The following HTR1F variants were observed in gnomAD, a reference collection of about 807,000 sequenced individuals.
The protein encoded by HTR1F is 5-hydroxytryptamine receptor 1F.
A neutral mutation model predicts 24.0 loss-of-function variants in HTR1F; 17 were observed. The observed-to-expected ratio is 0.71, with a 90% CI of 0.48 to 1.06. The LOEUF is 1.06. HTR1F is among the 50% of genes least tolerant of loss of function. The pLI, the probability that HTR1F is intolerant of heterozygous loss-of-function variation, is 0.00. For missense variants in HTR1F, 391 were observed against 427.8 expected (o/e 0.91, Z 0.76); for synonymous variants, 186 against 156.8 (o/e 1.19, Z -1.39).
intron 2 of HTR1F, among the ~76,000 whole-genome samples, chr3:87,947,200 CTCA>C (rs1369991797): frequency 6.6e-6 from 1 of 152,050 alleles, no homozygotes; most frequent in East Asian, 1.9e-4. Context: ...ATATTTTCTT[CTCA>C]TCATTCATTC....
intron 2 of HTR1F, among the ~76,000 whole-genome samples, chr3:87,897,553 G>A (rs374209102): frequency 6.8e-4 from 104 of 152,110 alleles, no homozygotes; most frequent in African/African-American, 2.5e-3. Flanking sequence ...TTCGTTTTGA[G>A]CTTACTAACT....
chr3:87,859,166 C>T (rs2107225036), intron 2 of HTR1F, among the ~76,000 whole-genome samples: 1 of 152,222 alleles, frequency 6.6e-6, no homozygotes, highest in East Asian at 1.9e-4. Flanking sequence ...CCACTGCACT[C>T]CAGCCTCGGC....
At chr3:87,960,072 C>A (rs1356579063) in intron 2 of HTR1F, among the ~76,000 whole-genome samples, 1 of 151,900 alleles carries the variant, frequency 6.6e-6, no homozygotes, top group African/African-American at 2.4e-5. Flanking sequence ...CCTAGCTACA[C>A]ATTAAAATCA....
chr3:87,943,915 G>C (rs200313511), intron 2 of HTR1F, among the ~76,000 whole-genome samples: 1 of 141,724 alleles, frequency 7.1e-6, no homozygotes, highest in Non-Finnish European at 1.6e-5. Flanking sequence ...TTTTGCCTTG[G>C]GGGGAACATT....
intron 2 of HTR1F, among the ~76,000 whole-genome samples, chr3:87,945,899 G>A (rs1310696871): frequency 2.6e-5 from 4 of 152,084 alleles, no homozygotes; most frequent in Non-Finnish European, 4.4e-5. Flanking sequence ...GATGGTGGCG[G>A]GCTGCTTCCA....
intron 2 of HTR1F, among the ~76,000 whole-genome samples, chr3:87,944,250 A>G (rs1704642167): frequency 6.6e-6 from 1 of 152,202 alleles, no homozygotes; most frequent in African/African-American, 2.4e-5. Context: ...CCAGCTCCCC[A>G]TCAAGATGCA....
intron 2 of HTR1F, among the ~76,000 whole-genome samples, chr3:87,906,664 A>C (rs938622658): frequency 3.3e-5 from 5 of 151,928 alleles, no homozygotes; most frequent in Non-Finnish European, 7.4e-5. Context: ...CACTGTACCC[A>C]ATGTGTAGTC....
At chr3:87,864,422 T>C (rs532244557) in intron 2 of HTR1F, among the ~76,000 whole-genome samples, 5 of 152,296 alleles carry the variant, frequency 3.3e-5, no homozygotes, top group African/African-American at 1.2e-4. Flanking sequence ...AATTTATACA[T>C]AGAATTCAGG....
At chr3:87,893,122 C>T (rs964963280) in intron 2 of HTR1F, among the ~76,000 whole-genome samples, 6 of 151,926 alleles carry the variant, frequency 3.9e-5, no homozygotes, top group African/African-American at 1.4e-4. Context: ...GGTCCTGATG[C>T]ACTTTAATTT....
At chr3:87,866,310 G>A (rs1022402781) in intron 2 of HTR1F, among the ~76,000 whole-genome samples, 3 of 152,146 alleles carry the variant, frequency 2.0e-5, no homozygotes, top group Admixed American at 6.6e-5. Context: ...TGCTCAGGTA[G>A]GATTTAGAGC....
rs759114776 is a variant in HTR1F, at chr3:87,991,447, G to C, written c.698G>C (p.Ser233Thr). The C allele has an allele frequency of 1.2e-6, 2 of 1,614,034 alleles. No individual in the cohort carries two copies. The highest frequency in any genetic ancestry group is 8.5e-7 in the Non-Finnish European group (1 of 1,179,952). ...GTGAATGGCCAAGTCCTTTTGGAGA[G>C]TGGTGAGAAAAGCACTAAATCAGTT... The part of the protein sequence containing the change: ...EEVNGQVLLE[S>T]GEKSTKSVST... Residue 233 changes from serine (S) to threonine (T), a missense_variant, in exon 3 of 3, where the codon AGT becomes ACT. By Grantham distance (58) the Ser-to-Thr change is moderately conservative. Coordinates refer to ENST00000319595, the MANE Select transcript of HTR1F (RefSeq NM_001322209.2).
chr3:87,902,214 C>T (rs759303149), intron 2 of HTR1F, among the ~76,000 whole-genome samples: 1 of 151,964 alleles, frequency 6.6e-6, no homozygotes, highest in Non-Finnish European at 1.5e-5. Context: ...GGTGTAAGGA[C>T]AGGAAAGTAG....
chr3:87,946,854 T>C (rs1576075518), intron 2 of HTR1F, among the ~76,000 whole-genome samples: 1 of 152,088 alleles, frequency 6.6e-6, no homozygotes, highest in East Asian at 1.9e-4. Flanking sequence ...CTTGATCTCC[T>C]GACCTCATGA....
intron 2 of HTR1F, among the ~76,000 whole-genome samples, chr3:87,904,928 T>C (rs1170512294): frequency 1.3e-5 from 2 of 152,122 alleles, no homozygotes; most frequent in African/African-American, 2.4e-5. Flanking sequence ...AGGGGTGGTT[T>C]ATAATATCTT....
At chr3:87,890,472 C>G (rs994422465) in intron 2 of HTR1F, among the ~76,000 whole-genome samples, 3 of 151,062 alleles carry the variant, frequency 2.0e-5, no homozygotes, top group African/African-American at 7.3e-5. Context: ...ATATTTTATT[C>G]CAGAAGAATT....
At chr3:87,805,165 T>G (rs1704052991) in intron 1 of HTR1F, among the ~76,000 whole-genome samples, 1 of 152,096 alleles carries the variant, frequency 6.6e-6, no homozygotes. Context: ...TTTTAGTTAT[T>G]ATAAATTTTG....
At chr3:87,851,615 T>C (rs1705088167) in intron 2 of HTR1F, among the ~76,000 whole-genome samples, 4 of 151,708 alleles carry the variant, frequency 2.6e-5, no homozygotes, top group Non-Finnish European at 5.9e-5. Flanking sequence ...AGTCTAATAT[T>C]CCATGCTGTT....
intron 2 of HTR1F, among the ~76,000 whole-genome samples, chr3:87,966,722 A>G (rs1286294694): frequency 6.6e-6 from 1 of 152,218 alleles, no homozygotes; most frequent in African/African-American, 2.4e-5. Flanking sequence ...AAGATAAAAG[A>G]TAACCCCTTT....
At chr3:87,901,467 C>T (rs528030569) in intron 2 of HTR1F, among the ~76,000 whole-genome samples, 6 of 152,052 alleles carry the variant, frequency 3.9e-5, no homozygotes, top group Admixed American at 6.6e-5. Flanking sequence ...TCTGGGACTT[C>T]GAGCCTCCAG....
Sources: allele counts gnomAD v4.1 joint callset (sites outside exome capture counted in the v4.1 genomes callset), GRCh38; gene constraint gnomAD v4.1.1; transcripts MANE v1.5; gene names NCBI Gene and HGNC (gene_info 2026-07-23, HGNC 2026-07-21).